Variants in CSMD1 observed in about 807,000 individuals in gnomAD.
CSMD1 encodes the protein CUB and Sushi multiple domains 1.
In CSMD1, 213 loss-of-function variants were observed where a neutral mutation model predicts 417.5. The ratio of observed to expected loss-of-function variants is 0.51; its 90% confidence interval spans 0.46 to 0.57. The LOEUF is 0.57. CSMD1 is among the 20% of genes least tolerant of loss of function. The pLI, the probability that CSMD1 is intolerant of heterozygous loss-of-function variation, is 0.00. For synonymous variants in CSMD1, 2,862 were observed against 1,736.8 expected, an observed-to-expected ratio of 1.65 and a Z score of -16.11; for missense variants, 6,923 against 4,529.7, an observed-to-expected ratio of 1.53 and a Z score of -15.17.
At chr8:4,047,048 C>A (rs986721936) in intron 3 of CSMD1, among the ~76,000 whole-genome samples, 1 of 152,130 alleles carries the variant, frequency 6.6e-6, no homozygotes, top group Non-Finnish European at 1.5e-5. Context: ...ACCTGGAGTC[C>A]AAATGAATAC....
At chr8:3,776,976 A>T (rs890804249) in intron 5 of CSMD1, among the ~76,000 whole-genome samples, 6 of 151,886 alleles carry the variant, frequency 4.0e-5, no homozygotes, top group African/African-American at 1.5e-4. Flanking sequence ...GGCCTCCCAT[A>T]GTGCTGGGAT....
At chr8:4,323,942 T>C (rs1434626320) in intron 3 of CSMD1, among the ~76,000 whole-genome samples, 1 of 152,168 alleles carries the variant, frequency 6.6e-6, no homozygotes, top group Non-Finnish European at 1.5e-5. Flanking sequence ...GCAACAGGCA[T>C]TCAGACTACT....
chr8:3,524,155 ACAGC>A (rs1356112712), intron 10 of CSMD1, among the ~76,000 whole-genome samples: 9 of 151,882 alleles, frequency 5.9e-5, no homozygotes, highest in Non-Finnish European at 1.0e-4. Flanking sequence ...ATATGCATGC[ACAGC>A]CAGAGACGTG....
intron 41 of CSMD1, chr8:3,127,897 A>G (rs1302745770): frequency 1.5e-5 from 2 of 135,864 alleles, no homozygotes; most frequent in African/African-American, 5.6e-5. Context: ...GGAGGGAGGA[A>G]TGAAGGAAGG....
At chr8:3,807,557 C>A (rs542605190) in intron 5 of CSMD1, among the ~76,000 whole-genome samples, 1 of 152,240 alleles carries the variant, frequency 6.6e-6, no homozygotes, top group African/African-American at 2.4e-5. Flanking sequence ...TAGTTAATTG[C>A]ACATTTTAAT....
chr8:4,778,351 T>C (rs562220538), intron 1 of CSMD1, among the ~76,000 whole-genome samples: 10 of 152,188 alleles, frequency 6.6e-5, no homozygotes, highest in Non-Finnish European at 5.9e-5. Flanking sequence ...CCCCATTGTT[T>C]TGATGATTTT....
intron 1 of CSMD1, among the ~76,000 whole-genome samples, chr8:4,956,864 T>C (rs577561322): frequency 6.6e-6 from 1 of 152,156 alleles, no homozygotes; most frequent in African/African-American, 2.4e-5. Flanking sequence ...GAACTCATGG[T>C]GTTCCCTCCA....
At chr8:3,968,905 T>C (rs1321611767) in intron 5 of CSMD1, among the ~76,000 whole-genome samples, 1 of 152,194 alleles carries the variant, frequency 6.6e-6, no homozygotes, top group South Asian at 2.1e-4. Flanking sequence ...TCAGATGTAA[T>C]GATTTATCTC....
At chr8:4,563,791 T>G (rs768381822) in intron 2 of CSMD1, among the ~76,000 whole-genome samples, 8 of 152,154 alleles carry the variant, frequency 5.3e-5, no homozygotes, top group Non-Finnish European at 5.9e-5. Flanking sequence ...TAAATGTTTC[T>G]GTCCCCAATG....
At chr8:3,785,769 G>A (rs1799425615) in intron 5 of CSMD1, among the ~76,000 whole-genome samples, 1 of 152,112 alleles carries the variant, frequency 6.6e-6, no homozygotes. Flanking sequence ...TGGTGCCCCA[G>A]GAACCTGGAA....
intron 2 of CSMD1, among the ~76,000 whole-genome samples, chr8:4,448,860 T>A (rs1318801483): frequency 6.6e-6 from 1 of 152,198 alleles, no homozygotes; most frequent in East Asian, 1.9e-4. Flanking sequence ...TTCTGATGTG[T>A]ATCCAATTCT....
At chr8:4,378,437 C>A (rs1286177162) in intron 3 of CSMD1, among the ~76,000 whole-genome samples, 1 of 152,162 alleles carries the variant, frequency 6.6e-6, no homozygotes, top group Non-Finnish European at 1.5e-5. Context: ...TTGTAAAAAT[C>A]TCAAAAATTA....
chr8:4,027,329 G>C (rs1466821234), intron 4 of CSMD1, among the ~76,000 whole-genome samples: 1 of 152,140 alleles, frequency 6.6e-6, no homozygotes, highest in African/African-American at 2.4e-5. Context: ...GGTATGCTTT[G>C]GCTGTGTCCT....
intron 2 of CSMD1, among the ~76,000 whole-genome samples, chr8:4,539,508 A>C (rs1797276260): frequency 6.6e-6 from 1 of 152,280 alleles, no homozygotes; most frequent in Admixed American, 6.5e-5. Context: ...AAATCCTCTA[A>C]TATTTCATTA....
intron 5 of CSMD1, among the ~76,000 whole-genome samples, chr8:3,909,128 G>A (rs889702468): frequency 6.6e-6 from 1 of 152,208 alleles, no homozygotes; most frequent in Non-Finnish European, 1.5e-5. Context: ...ATATTCTGGA[G>A]AGGCTTGAAG....
intron 1 of CSMD1, among the ~76,000 whole-genome samples, chr8:4,876,991 A>G (rs1379000251): frequency 5.3e-5 from 8 of 152,140 alleles, no homozygotes; most frequent in Admixed American, 1.3e-4. Context: ...TACAATAAGT[A>G]TAATACAAAG....
chr8:4,411,266 G>A (rs797020715), intron 3 of CSMD1, among the ~76,000 whole-genome samples: 74 of 152,058 alleles, frequency 4.9e-4, no homozygotes, highest in African/African-American at 1.7e-3. Flanking sequence ...ATTATGAAAT[G>A]GGCTCTATGG....
At chr8:4,033,900 G>C (rs1014420413) in intron 3 of CSMD1, among the ~76,000 whole-genome samples, 1 of 152,112 alleles carries the variant, frequency 6.6e-6, no homozygotes, top group Non-Finnish European at 1.5e-5. Context: ...ATCATTGTTG[G>C]CTATTGTATC....
intron 3 of CSMD1, among the ~76,000 whole-genome samples, chr8:4,347,775 G>C (rs1182223717): frequency 1.3e-5 from 2 of 152,026 alleles, no homozygotes. Context: ...ATTGGATAAA[G>C]TTTTAGTAAC....
Sources: allele counts gnomAD v4.1 joint callset (sites outside exome capture counted in the v4.1 genomes callset), GRCh38; gene constraint gnomAD v4.1.1; transcripts MANE v1.5; gene names NCBI Gene and HGNC (gene_info 2026-07-23, HGNC 2026-07-21).